Variants in SEC14L1 observed in about 807,000 individuals in gnomAD.
The protein encoded by SEC14L1 is SEC14-like protein 1.
A neutral mutation model predicts 85.3 loss-of-function variants in SEC14L1; 48 were observed. The observed-to-expected ratio is 0.56, with a 90% CI of 0.45 to 0.72. The LOEUF is 0.72. Ranked by LOEUF, SEC14L1 falls within the 30% of genes least tolerant of loss-of-function variation. The pLI, the probability that SEC14L1 is intolerant of heterozygous loss-of-function variation, is 0.00. For missense variants in SEC14L1, 682 were observed against 921.4 expected (o/e 0.74, Z 3.36); for synonymous variants, 391 against 355.5 (o/e 1.10, Z -1.12).
At chr17:77,102,520 T>C (rs548043593) in intron 3 of SEC14L1, among the ~76,000 whole-genome samples, 1 of 152,204 alleles carries the variant, frequency 6.6e-6, no homozygotes, top group Non-Finnish European at 1.5e-5. Flanking sequence ...TTTCTTTTTT[T>C]TGAGAGGGAG....
intron 3 of SEC14L1, among the ~76,000 whole-genome samples, chr17:77,148,713 A>G (rs891392267): frequency 6.6e-6 from 1 of 152,210 alleles, no homozygotes; most frequent in African/African-American, 2.4e-5. Context: ...GGGAAAGACC[A>G]GGGGTCCCTT....
Position 77,215,506 on chromosome 17 carries a change from G to A in SEC14L1, c.*1483G>A. ...CTGCGTGACTGGAGAGCTGTGTGGA[G>A]GCCATGTGTGCCCCGTGCAGGGATC... is the stretch of plus-strand genomic sequence containing the variant. On this transcript the variant is annotated 3_prime_UTR_variant, in exon 17 of 17. Coordinates refer to ENST00000436233, the MANE Select transcript of SEC14L1 (RefSeq NM_001143998.2). 1 of 986,048 alleles carries A rather than the reference G, an allele frequency of 1.0e-6. No homozygotes were observed. The highest frequency in any genetic ancestry group is 1.7e-5 in the African/African-American group (1 of 57,308). 61.1% of individuals were successfully genotyped at this position (986,048 alleles called of 1,614,324 possible). A position where few individuals can be genotyped will look rare whatever the true frequency, so the allele number is the denominator to read the frequency against.
chr17:77,168,405 G>A (rs903174422), intron 3 of SEC14L1, among the ~76,000 whole-genome samples: 7 of 152,176 alleles, frequency 4.6e-5, no homozygotes, highest in African/African-American at 1.7e-4. Flanking sequence ...GAGGTTTTGT[G>A]AGAGCTGTTT....
At chr17:77,199,061 AG>A (rs1275145637) in intron 8 of SEC14L1, 1 of 142,682 alleles carries the variant, frequency 7.0e-6, no homozygotes, top group African/African-American at 2.6e-5. Context: ...GCTGAAGTGC[AG>A]TGGCGCGATC....
At chr17:77,100,426 CTCTTTTTTTTTT>C (rs1379925736) in intron 3 of SEC14L1, among the ~76,000 whole-genome samples, 4 of 54,798 alleles carry the variant, frequency 7.3e-5, no homozygotes, top group Non-Finnish European at 1.3e-4. Context: ...CTCTCTCTCT[CTCTTTTTTTTTT>C]TTTTTTTTTT....
intron 3 of SEC14L1, among the ~76,000 whole-genome samples, chr17:77,159,463 C>T: frequency 6.6e-6 from 1 of 151,598 alleles, no homozygotes; most frequent in Non-Finnish European, 1.5e-5. Flanking sequence ...TCACTGCAAC[C>T]TCTGTCTCCC....
At chr17:77,192,082 A>T (rs921013844) in intron 5 of SEC14L1, among the ~76,000 whole-genome samples, 1 of 152,230 alleles carries the variant, frequency 6.6e-6, no homozygotes, top group Non-Finnish European at 1.5e-5. Context: ...GGCGTGAGCC[A>T]CCACGCCTGG....
chr17:77,130,153 C>T (rs939671692), intron 3 of SEC14L1: 4 of 152,072 alleles, frequency 2.6e-5, no homozygotes, highest in Non-Finnish European at 5.9e-5. Flanking sequence ...TAAGCCAGGC[C>T]GCTTCCCTGG....
chr17:77,192,827 GT>G (rs1024413020), intron 5 of SEC14L1, among the ~76,000 whole-genome samples: 9 of 151,994 alleles, frequency 5.9e-5, no homozygotes, highest in African/African-American at 2.2e-4. Context: ...TGCCTGGCTA[GT>G]TTTTAAATTT....
Position 77,154,637 on chromosome 17 carries a change from G to GTT in SEC14L1, c.63+10986_63+10987dup, listed in dbSNP as rs56749767. Among the ~76,000 whole-genome samples the GTT allele has an allele frequency of 6.7e-3, 981 of 146,914 alleles. 9 individuals carry two copies. The highest frequency in any genetic ancestry group is 0.016 in the African/African-American group (643 of 39,976). On this transcript the variant is annotated intron_variant, in intron 3 of 16. Coordinates refer to ENST00000436233, the MANE Select transcript of SEC14L1 (RefSeq NM_001143998.2). Reference sequence around the variant, plus strand: ...CTACTGGCCCCTTCTGGTTTTTTTTGTTTTTTTTTGGTTTTTTTTTAAGAA... The same window carrying GTT: ...CTACTGGCCCCTTCTGGTTTTTTTTGTTTTTTTTTTTGGTTTTTTTTTAAGAA...
intron 3 of SEC14L1, among the ~76,000 whole-genome samples, chr17:77,116,189 G>A (rs1363286615): frequency 6.6e-6 from 1 of 152,014 alleles, no homozygotes; most frequent in Admixed American, 6.6e-5. Context: ...CAAAGTGTTG[G>A]GATTATAGGG....
chr17:77,091,672 C>G, intron 2 of SEC14L1, among the ~76,000 whole-genome samples: 1 of 152,164 alleles, frequency 6.6e-6, no homozygotes, highest in Non-Finnish European at 1.5e-5. Flanking sequence ...TGCCACCTTT[C>G]CGGGAGTCGT....
In SEC14L1 at chr17:77,216,645, C is replaced by T; in HGVS notation, c.*2622C>T. ...AGAACTGTTTGAATTGCAGCCATCC[C>T]CTGCCCCCTCCCAGGCTGAAGATCT... On this transcript the variant is annotated 3_prime_UTR_variant, in exon 17 of 17. Transcript: ENST00000436233. The T allele has an allele frequency of 6.2e-7, 1 of 1,609,740 alleles. No individual in the cohort carries two copies. The highest frequency in any genetic ancestry group is 8.5e-7 in the Non-Finnish European group (1 of 1,176,696).
chr17:77,097,231 T>C (rs891456687), intron 3 of SEC14L1, among the ~76,000 whole-genome samples: 12 of 152,208 alleles, frequency 7.9e-5, no homozygotes, highest in African/African-American at 2.4e-4. Flanking sequence ...CAGGTACTTA[T>C]CAAGACCAAA....
intron 5 of SEC14L1, among the ~76,000 whole-genome samples, chr17:77,191,946 G>A (rs1183173576): frequency 1.3e-5 from 2 of 151,922 alleles, no homozygotes; most frequent in East Asian, 3.9e-4. Context: ...ACAGGCACTC[G>A]CCACCACGCC....
intron 3 of SEC14L1, among the ~76,000 whole-genome samples, chr17:77,124,623 A>G (rs983472839): frequency 6.6e-6 from 1 of 152,170 alleles, no homozygotes; most frequent in African/African-American, 2.4e-5. Flanking sequence ...TTTGATGTAG[A>G]CCTAAATATT....
At chr17:77,192,490 G>C (rs1975593145) in intron 5 of SEC14L1, among the ~76,000 whole-genome samples, 1 of 152,164 alleles carries the variant, frequency 6.6e-6, no homozygotes, top group Non-Finnish European at 1.5e-5. Flanking sequence ...TCCTGTCCTT[G>C]CTGTCATGCA....
At chr17:77,141,338 C>T (rs1481091901) in intron 1 of SEC14L1, 2 of 135,256 alleles carry the variant, frequency 1.5e-5, no homozygotes, top group Non-Finnish European at 3.3e-5. Flanking sequence ...CGCCCCCCTC[C>T]CCCGCCCCCA....
chr17:77,188,519 C>A (rs1413380721), intron 3 of SEC14L1, among the ~76,000 whole-genome samples: 2 of 151,400 alleles, frequency 1.3e-5, no homozygotes, highest in African/African-American at 4.9e-5. Flanking sequence ...CGTGGTGTGG[C>A]TGCAGCGCAG....
Sources: allele counts gnomAD v4.1 joint callset (sites outside exome capture counted in the v4.1 genomes callset), GRCh38; gene constraint gnomAD v4.1.1; transcripts MANE v1.5; gene names NCBI Gene and HGNC (gene_info 2026-07-23, HGNC 2026-07-21).